The following INPP5K variants were observed in gnomAD, a reference collection of about 807,000 sequenced individuals.
INPP5K encodes inositol polyphosphate-5-phosphatase K, also known as inositol polyphosphate 5-phosphatase K.
In INPP5K, 35 loss-of-function variants were observed where a neutral mutation model predicts 53.5. That is an observed-to-expected ratio of 0.65 (90% confidence interval 0.50 to 0.87). The LOEUF is 0.87. INPP5K is among the 40% of genes least tolerant of loss of function. The pLI, the probability that INPP5K is intolerant of heterozygous loss-of-function variation, is 0.00. For missense variants in INPP5K, 550 were observed against 586.2 expected (o/e 0.94, Z 0.64); for synonymous variants, 253 against 232.8 (o/e 1.09, Z -0.79).
intron 7 of INPP5K, among the ~76,000 whole-genome samples, chr17:1,505,336 G>A (rs1425967256): frequency 6.6e-6 from 1 of 152,106 alleles, no homozygotes; most frequent in Non-Finnish European, 1.5e-5. Flanking sequence ...ATGTTGCCCA[G>A]GCAGGTCTTG....
intron 1 of INPP5K, chr17:1,515,421 A>T: frequency 1.0e-6 from 1 of 985,452 alleles, no homozygotes. Context: ...GGAAAGAGAG[A>T]CCTACAGATG....
intron 2 of INPP5K, among the ~76,000 whole-genome samples, 153 bp from the exon 3 acceptor site, chr17:1,513,714 C>T (rs953697357): frequency 2.0e-5 from 3 of 152,246 alleles, no homozygotes; most frequent in South Asian, 2.1e-4. Flanking sequence ...CCCCCTTTGC[C>T]GTTGCTGACC....
chr17:1,516,541 C>CTCCCGGCCAGCGGG lies in INPP5K; in HGVS notation c.-56_-43dup. ...GCGCGGTGGTCCGGCAGGTTCGCGT[C>CTCCCGGCCAGCGGG]TCCCGGCCAGCGGGTCCCGGCCAGA... On this transcript the variant is annotated 5_prime_UTR_variant, in exon 1 of 12. Coordinates refer to ENST00000421807, the MANE Select transcript of INPP5K (RefSeq NM_016532.4). 6.5e-7 allele frequency: 1 copy of CTCCCGGCCAGCGGG among 1,535,070 alleles called. No individual in the cohort carries two copies. The highest frequency in any genetic ancestry group is 2.5e-5 in the East Asian group (1 of 39,676).
chr17:1,509,294 G>T lies in INPP5K; in HGVS notation c.438C>A (p.Ile146=). 2 of 1,614,134 alleles carry T rather than the reference G, an allele frequency of 1.2e-6. No homozygotes were observed. Among genetic ancestry groups the T allele is most frequent in the Non-Finnish European group, 1.7e-6 (2 of 1,180,008 alleles). ...AAATGTGGGGAGGCAGGTGGCAGTT[G>T]ATGATGCTGACATAGTAGCCATAAA... The part of the protein sequence containing the change: ...LKLYGYYVSI[I]NCHLPPHISN... Residue 146 remains isoleucine, a synonymous_variant, in exon 5 of 12, where the codon ATC becomes ATA. Coordinates refer to ENST00000421807, the MANE Select transcript of INPP5K (RefSeq NM_016532.4).
At position 1,507,097 on chromosome 17, in the gene INPP5K, C is replaced by CA; in HGVS notation, c.667-9dup. ...TTTCTTGGCAATGCTGAGCTGCAGA[C>CA]AAAGTCATAGTCCCCGTCTCCCAGT... On this transcript the variant is annotated splice_polypyrimidine_tract_variant and intron_variant, in intron 6 of 11. Coordinates refer to ENST00000421807, the MANE Select transcript of INPP5K (RefSeq NM_016532.4). The CA allele has an allele frequency of 6.2e-7, 1 of 1,612,036 alleles. No individual in the cohort carries two copies. The highest frequency in any genetic ancestry group is 8.5e-7 in the Non-Finnish European group (1 of 1,178,236).
chr17:1,501,511 G>A (rs886161608), intron 7 of INPP5K, among the ~76,000 whole-genome samples: 6 of 152,214 alleles, frequency 3.9e-5, no homozygotes, highest in African/African-American at 1.4e-4. Flanking sequence ...ACTTCAAAGA[G>A]CAGTAATGAA....
chr17:1,500,130 G>C (rs956810574), intron 7 of INPP5K, among the ~76,000 whole-genome samples: 7 of 152,158 alleles, frequency 4.6e-5, no homozygotes, highest in African/African-American at 1.2e-4. Flanking sequence ...AACCTTTAAG[G>C]CATCTTCACT....
At chr17:1,513,591 C>G (rs1317869578) in intron 2 of INPP5K, 30 bp from the exon 3 acceptor site, 3 of 1,582,860 alleles carry the variant, frequency 1.9e-6, no homozygotes, top group Non-Finnish European at 1.7e-6. Flanking sequence ...GGCTTGGCCC[C>G]TGGCCTCCAG....
At chr17:1,498,350 G>C in intron 7 of INPP5K, 1 of 416,862 alleles carries the variant, frequency 2.4e-6, no homozygotes, top group Non-Finnish European at 4.3e-6. Context: ...CCCTCTGTAT[G>C]TCTAGCTCAT....
chr17:1,512,298 G>C (rs1331523132), intron 3 of INPP5K, among the ~76,000 whole-genome samples: 2 of 152,160 alleles, frequency 1.3e-5, no homozygotes, highest in African/African-American at 2.4e-5. Context: ...GGAGTGGCGG[G>C]TGAGAGAGAA....
At chr17:1,509,599 C>T (rs867698201) in intron 4 of INPP5K, 84 bp downstream of exon 4, 2 of 999,346 alleles carry the variant, frequency 2.0e-6, no homozygotes, top group African/African-American at 3.2e-5. Flanking sequence ...GACCAAGATT[C>T]CTTTCACTTC....
In INPP5K at chr17:1,507,105, T is replaced by C. The variant is rs757569763; in HGVS notation, c.667-16A>G. ...CAATGCTGAGCTGCAGACAAAGTCA[T>C]AGTCCCCGTCTCCCAGTAGTCTCGA... On this transcript the variant is annotated splice_polypyrimidine_tract_variant and intron_variant, in intron 6 of 11. Transcript: ENST00000421807. The C allele has an allele frequency of 1.9e-6, 3 of 1,605,338 alleles. No homozygotes were observed. The highest frequency in any genetic ancestry group is 2.2e-5 in the South Asian group (2 of 90,848).
At chr17:1,504,638 ATTCT>A (rs1567555500) in intron 7 of INPP5K, among the ~76,000 whole-genome samples, 1 of 152,198 alleles carries the variant, frequency 6.6e-6, no homozygotes, top group Non-Finnish European at 1.5e-5. Flanking sequence ...TTACTTATAT[ATTCT>A]TTGAGACTCA....
At chr17:1,508,287 C>T in intron 5 of INPP5K, 61 bp from the exon 6 acceptor site, 1 of 1,337,384 alleles carries the variant, frequency 7.5e-7, no homozygotes, top group Middle Eastern at 1.8e-4. Context: ...GGGAGATCAC[C>T]AGGTGGCTCA....
At position 1,516,445 on chromosome 17, in the gene INPP5K, G is replaced by C. The variant is rs116451002; in HGVS notation, c.44+11C>G. The C allele has an allele frequency of 3.7e-3, 5,921 of 1,590,600 alleles. 215 individuals are homozygous for C. In the African/African-American group the frequency reaches 0.069, roughly 19 times the overall value. ...CGAGCAGGCCTGCCTCTGCCGCCAG[G>C]GTGCCCTCACCTGAGCCTCCTGCCT... On this transcript the variant is annotated intron_variant, in intron 1 of 11. Coordinates refer to ENST00000421807, the MANE Select transcript of INPP5K (RefSeq NM_016532.4).
chr17:1,506,110 G>T (rs2075149124), intron 7 of INPP5K, among the ~76,000 whole-genome samples: 1 of 151,502 alleles, frequency 6.6e-6, no homozygotes, highest in South Asian at 2.1e-4. Context: ...GGCAACCTCT[G>T]CCTCTTGGGT....
At chr17:1,509,112 C>T (rs1367085126) in intron 5 of INPP5K, 66 bp downstream of exon 5, 115 of 1,308,954 alleles carry the variant, frequency 8.8e-5, no homozygotes, top group Admixed American at 1.4e-4. Context: ...CAGGCTCACT[C>T]GTGGGGGTTA....
intron 7 of INPP5K, among the ~76,000 whole-genome samples, chr17:1,501,916 C>T (rs2075024968): frequency 3.3e-5 from 5 of 151,192 alleles, no homozygotes; most frequent in Admixed American, 3.3e-4. Flanking sequence ...GTGCCTGTAA[C>T]CCCAGCTACT....
In INPP5K at chr17:1,509,667, A is replaced by G; in HGVS notation, c.378+16T>C. ...CCCTTCCCAGCTCACGACTCAGACA[A>G]TAGCTCAGTCCTTACCCAGTACCCA... On this transcript the variant is annotated intron_variant, in intron 4 of 11. Transcript: ENST00000421807. 6.8e-7 allele frequency: 1 copy of G among 1,475,940 alleles called. No individual in the cohort carries two copies. Among genetic ancestry groups the G allele is most frequent in the Non-Finnish European group, 9.5e-7 (1 of 1,054,286 alleles). 91.4% of individuals were successfully genotyped at this position (1,475,940 alleles called of 1,614,324 possible).
Sources: gnomAD v4.1 joint callset for allele counts (sites outside exome capture counted in the v4.1 genomes callset) on GRCh38, gnomAD v4.1.1 for gene constraint, MANE v1.5 for transcripts, NCBI Gene and HGNC (gene_info 2026-07-23, HGNC 2026-07-21) for gene names.